PKNOX2: variants seen among roughly 807,000 people sequenced by gnomAD.
PKNOX2 encodes the protein homeobox protein PKNOX2.
PKNOX2 carries 14 observed loss-of-function variants against 53.1 expected under a neutral mutation model. That is an observed-to-expected ratio of 0.26 (90% confidence interval 0.17 to 0.41). The LOEUF is 0.41. Ranked by LOEUF, PKNOX2 falls within the 10% of genes least tolerant of loss-of-function variation. PKNOX2 has a pLI of 1.00. For missense variants in PKNOX2, 496 were observed against 602.8 expected, an observed-to-expected ratio of 0.82 and a Z score of 1.85; for synonymous variants, 257 against 242.8, an observed-to-expected ratio of 1.06 and a Z score of -0.54.
At chr11:125,368,566 G>A (rs1190013249) in intron 5 of PKNOX2, among the ~76,000 whole-genome samples, 1 of 152,228 alleles carries the variant, frequency 6.6e-6, no homozygotes, top group East Asian at 1.9e-4. Context: ...TGGATTCATG[G>A]TAGTCTCTGT....
At chr11:125,382,967 A>G (rs553735364) in intron 5 of PKNOX2, among the ~76,000 whole-genome samples, 1 of 152,262 alleles carries the variant, frequency 6.6e-6, no homozygotes, top group South Asian at 2.1e-4. Context: ...CCGAGTCTGC[A>G]GCCCTGGGGC....
At chr11:125,338,272 C>T (rs1038496966) in intron 3 of PKNOX2, among the ~76,000 whole-genome samples, 7 of 152,192 alleles carry the variant, frequency 4.6e-5, no homozygotes, top group Admixed American at 2.0e-4. Context: ...CATCCCTGAC[C>T]GTGGCAAGTG....
intron 5 of PKNOX2, among the ~76,000 whole-genome samples, chr11:125,378,287 TCACCCCACCC>T (rs1172729398): frequency 6.6e-6 from 1 of 152,164 alleles, no homozygotes; most frequent in Admixed American, 6.5e-5. Context: ...GTGCCCCACC[TCACCCCACCC>T]CACCGGCCAA....
intron 5 of PKNOX2, among the ~76,000 whole-genome samples, chr11:125,379,529 T>A (rs1014548738): frequency 3.9e-5 from 6 of 152,210 alleles, no homozygotes; most frequent in African/African-American, 1.4e-4. Context: ...CCGATTTATG[T>A]TAAGAATATC....
rs1000717622 is a variant in PKNOX2 at position 125,417,610 on chromosome 11, C to T, written c.936+5745C>T. On this transcript the variant is annotated intron_variant, in intron 10 of 12. Coordinates refer to ENST00000298282, the MANE Select transcript of PKNOX2 (RefSeq NM_001382323.2). ...GAACCCGGACCTATGCAACGGGAGGCTCTAATCTCTTACCCACCACTTTGA... is the reference window on the plus strand; with the variant it reads ...GAACCCGGACCTATGCAACGGGAGGTTCTAATCTCTTACCCACCACTTTGA... 2.0e-5 allele frequency among the ~76,000 whole-genome samples: 3 copies of T among 152,016 alleles called. No individual in the cohort carries two copies. The East Asian group carries it at 5.8e-4, about 29-fold the overall frequency.
At chr11:125,235,284 G>A (rs1166808791) in intron 2 of PKNOX2, among the ~76,000 whole-genome samples, 169 bp downstream of exon 2, 1 of 152,374 alleles carries the variant, frequency 6.6e-6, no homozygotes, top group East Asian at 1.9e-4. Flanking sequence ...ATGTCTGAAT[G>A]TGACAAAGAG....
At chr11:125,315,518 C>T (rs534722780) in intron 2 of PKNOX2, among the ~76,000 whole-genome samples, 2 of 152,238 alleles carry the variant, frequency 1.3e-5, no homozygotes, top group Admixed American at 6.5e-5. Context: ...AGCACAGAGG[C>T]AGCTGTTTTG....
At chr11:125,223,861 A>G (rs1035474203) in intron 1 of PKNOX2, among the ~76,000 whole-genome samples, 1 of 152,228 alleles carries the variant, frequency 6.6e-6, no homozygotes, top group African/African-American at 2.4e-5. Flanking sequence ...CTGTGAGTGA[A>G]GGCCACAAGG....
At chr11:125,315,767 G>A (rs1055593357) in intron 2 of PKNOX2, among the ~76,000 whole-genome samples, 10 of 152,116 alleles carry the variant, frequency 6.6e-5, no homozygotes, top group Non-Finnish European at 1.3e-4. Flanking sequence ...CTCAAGTGCT[G>A]ACTCTTTCTG....
At chr11:125,303,348 C>T (rs556890531) in intron 2 of PKNOX2, among the ~76,000 whole-genome samples, 3 of 152,302 alleles carry the variant, frequency 2.0e-5, no homozygotes, top group African/African-American at 7.2e-5. Context: ...AGGAATGTGC[C>T]TGGGGCCACA....
At chr11:125,418,964 A>G (rs73029708) in intron 10 of PKNOX2, among the ~76,000 whole-genome samples, 5,498 of 152,054 alleles carry the variant, frequency 0.036, 140 homozygotes, top group South Asian at 0.055. Flanking sequence ...ATCATGTTAT[A>G]TCAGGGACTT....
In PKNOX2 at chr11:125,413,054, C is replaced by T. The variant is rs77930470; in HGVS notation, c.936+1189C>T. On this transcript the variant is annotated intron_variant, in intron 10 of 12. Coordinates refer to ENST00000298282, the MANE Select transcript of PKNOX2 (RefSeq NM_001382323.2). ...TTACCTCCTAGAAAGAGATGAGAGC[C>T]GGAGCTCGGCATCTCCCCAAAAGTG... Among the ~76,000 whole-genome samples, 442 of 152,252 alleles carry T rather than the reference C, an allele frequency of 2.9e-3. 4 individuals are homozygous for T. The highest frequency in any genetic ancestry group is 9.7e-3 in the African/African-American group (403 of 41,556).
At chr11:125,385,873 C>G in intron 6 of PKNOX2, 151 bp downstream of exon 6, 1 of 975,994 alleles carries the variant, frequency 1.0e-6, no homozygotes, top group Non-Finnish European at 1.5e-6. Context: ...AGTCTTGCAG[C>G]CAACAACCAT....
At chr11:125,412,212 T>C (rs1264656656) in intron 10 of PKNOX2, among the ~76,000 whole-genome samples, 1 of 152,116 alleles carries the variant, frequency 6.6e-6, no homozygotes, top group East Asian at 1.9e-4. Flanking sequence ...TGGTTTCTGG[T>C]CCAGAGCCCT....
intron 1 of PKNOX2, among the ~76,000 whole-genome samples, chr11:125,183,467 C>T (rs1310299019): frequency 3.7e-5 from 2 of 54,324 alleles, no homozygotes; most frequent in East Asian, 6.6e-4. Flanking sequence ...CCACCCGCCT[C>T]GGCCTCCCAA....
chr11:125,256,967 C>G (rs61159628), intron 2 of PKNOX2, among the ~76,000 whole-genome samples: 2 of 151,220 alleles, frequency 1.3e-5, no homozygotes, highest in African/African-American at 4.9e-5. Flanking sequence ...TACTGTTGCT[C>G]TCAACCAATC....
chr11:125,253,111 T>C (rs1336434503), intron 2 of PKNOX2, among the ~76,000 whole-genome samples: 4 of 152,202 alleles, frequency 2.6e-5, no homozygotes, highest in Non-Finnish European at 5.9e-5. Context: ...ACTAAAAATA[T>C]CTTTATGCTT....
intron 1 of PKNOX2, among the ~76,000 whole-genome samples, chr11:125,204,898 A>C (rs1238335745): frequency 1.3e-5 from 2 of 152,112 alleles, no homozygotes; most frequent in Non-Finnish European, 2.9e-5. Flanking sequence ...GCTCTCAGAG[A>C]ACACTGTACA....
At chr11:125,290,109 T>A (rs1308377964) in intron 2 of PKNOX2, among the ~76,000 whole-genome samples, 2 of 152,112 alleles carry the variant, frequency 1.3e-5, no homozygotes, top group African/African-American at 4.8e-5. Context: ...AGTGAATGAA[T>A]CCCTAAAGGG....
Sources: gnomAD v4.1 joint callset for allele counts (sites outside exome capture counted in the v4.1 genomes callset) on GRCh38, gnomAD v4.1.1 for gene constraint, MANE v1.5 for transcripts, NCBI Gene and HGNC (gene_info 2026-07-23, HGNC 2026-07-21) for gene names.